MDFIC: variants seen among roughly 807,000 people sequenced by gnomAD.
MDFIC encodes the protein MyoD family inhibitor domain containing.
MDFIC carries 17 observed loss-of-function variants against 23.2 expected under a neutral mutation model. The observed-to-expected ratio is 0.73, with a 90% CI of 0.50 to 1.10. The LOEUF is 1.10. MDFIC is among the 50% of genes least tolerant of loss of function. The pLI is 0.00. For missense variants in MDFIC, 356 were observed against 316.6 expected (o/e 1.12, Z -0.95); for synonymous variants, 120 against 115.2 (o/e 1.04, Z -0.27).
chr7:114,943,233 C>T (rs1431187519), intron 3 of MDFIC, among the ~76,000 whole-genome samples: 1 of 152,102 alleles, frequency 6.6e-6, no homozygotes, highest in Non-Finnish European at 1.5e-5. Flanking sequence ...AAACTTATTT[C>T]TTTAGTTTAA....
chr7:115,016,229 T>C lies in MDFIC; in HGVS notation c.*294T>C, dbSNP rs1791792728. The C allele has an allele frequency of 3.1e-6, 1 of 325,778 alleles. No individual in the cohort carries two copies. The highest frequency in any genetic ancestry group is 5.7e-6 in the Non-Finnish European group (1 of 175,726). 20.2% of individuals were successfully genotyped at this position (325,778 alleles called of 1,614,324 possible). A position where few individuals can be genotyped will look rare whatever the true frequency, so the allele number is the denominator to read the frequency against. On this transcript the variant is annotated 3_prime_UTR_variant, in exon 5 of 5. Coordinates refer to ENST00000393486, the MANE Select transcript of MDFIC (RefSeq NM_001166345.3). Reference sequence around the variant, plus strand: ...AATGCCTTCTCCTTTTTACCGATATTTCTGTTTCTTTTAACCGTTCTCAGG... The same window carrying C: ...AATGCCTTCTCCTTTTTACCGATATCTCTGTTTCTTTTAACCGTTCTCAGG...
chr7:114,973,155 T>C (rs1793242115), intron 3 of MDFIC, among the ~76,000 whole-genome samples: 2 of 151,422 alleles, frequency 1.3e-5, no homozygotes, highest in African/African-American at 4.9e-5. Flanking sequence ...ATATTCACAG[T>C]ACATAGTTGT....
chr7:114,932,733 G>A (rs1792338600), intron 2 of MDFIC, among the ~76,000 whole-genome samples: 1 of 152,180 alleles, frequency 6.6e-6, no homozygotes, highest in East Asian at 1.9e-4. Flanking sequence ...CTACAGCAAG[G>A]GTGGGGAGGA....
intron 2 of MDFIC, among the ~76,000 whole-genome samples, chr7:114,928,306 T>A (rs1585090489): frequency 6.6e-6 from 1 of 150,950 alleles, no homozygotes. Flanking sequence ...TTAAGAACTG[T>A]GAAAAAAAAA....
chr7:114,997,395 T>C (rs1250456010), intron 4 of MDFIC, among the ~76,000 whole-genome samples: 1 of 151,570 alleles, frequency 6.6e-6, no homozygotes, highest in South Asian at 2.1e-4. Context: ...GGGGAGTGTA[T>C]GTGCATGCGT....
intron 4 of MDFIC, among the ~76,000 whole-genome samples, chr7:115,007,851 A>C (rs1585123027): frequency 1.2e-5 from 1 of 80,804 alleles, no homozygotes; most frequent in Admixed American, 1.5e-4. Flanking sequence ...ACTCGCCACC[A>C]TACTCAGCTA....
chr7:114,947,321 C>T (rs1039325616), intron 3 of MDFIC, among the ~76,000 whole-genome samples: 9 of 152,066 alleles, frequency 5.9e-5, no homozygotes, highest in African/African-American at 2.2e-4. Flanking sequence ...CCATTTGGCT[C>T]TCAGAAAAAT....
At chr7:114,945,446 C>A (rs1194355091) in intron 3 of MDFIC, among the ~76,000 whole-genome samples, 3 of 152,188 alleles carry the variant, frequency 2.0e-5, no homozygotes, top group Non-Finnish European at 2.9e-5. Flanking sequence ...TCATGCTCTA[C>A]ACAGAAGTTT....
At chr7:114,991,015 T>C (rs1450433561) in intron 4 of MDFIC, among the ~76,000 whole-genome samples, 1 of 151,760 alleles carries the variant, frequency 6.6e-6, no homozygotes, top group African/African-American at 2.4e-5. Flanking sequence ...CACCTGTTGT[T>C]TCCTGACTTT....
rs1473689379 is a variant in MDFIC, at chr7:115,019,498, A to G, written c.*3563A>G. 6.6e-6 allele frequency among the ~76,000 whole-genome samples: 1 copy of G among 152,110 alleles called. No homozygotes were observed. Among genetic ancestry groups the G allele is most frequent in the Non-Finnish European group, 1.5e-5 (1 of 67,978 alleles). On this transcript the variant is annotated 3_prime_UTR_variant, in exon 5 of 5. Transcript: ENST00000393486. ...AACGTCAAACATCACTGCCCAACAT[A>G]AATAAGACTCGAGACTTATTAACAT...
At chr7:114,930,485 C>T (rs1792288239) in intron 2 of MDFIC, among the ~76,000 whole-genome samples, 1 of 152,138 alleles carries the variant, frequency 6.6e-6, no homozygotes, top group Admixed American at 6.5e-5. Context: ...GGTCAGTTCA[C>T]ATATGAGGAT....
chr7:114,923,198 A>T, intron 2 of MDFIC, 71 bp downstream of exon 2: 1 of 1,510,194 alleles, frequency 6.6e-7, no homozygotes, highest in Non-Finnish European at 8.9e-7. Context: ...ACAAGTGCAC[A>T]GATAGGGGTG....
At chr7:114,991,013 G>C (rs1170900832) in intron 4 of MDFIC, among the ~76,000 whole-genome samples, 1 of 151,620 alleles carries the variant, frequency 6.6e-6, no homozygotes, top group Admixed American at 6.6e-5. Context: ...AGCACCTGTT[G>C]TTTCCTGACT....
chr7:115,017,518 G>T lies in MDFIC; in HGVS notation c.*1583G>T, dbSNP rs755014415. On this transcript the variant is annotated 3_prime_UTR_variant, in exon 5 of 5. Transcript: ENST00000393486. ...GGAAACCATTCTTTTCAATGCAGAA[G>T]AAATCTAGATATCCCCTACTGTGAC... 1 of 152,214 alleles carries T rather than the reference G, an allele frequency of 6.6e-6. No homozygotes were observed. Among genetic ancestry groups the T allele is most frequent in the Non-Finnish European group, 1.5e-5 (1 of 67,862 alleles). 9.4% of individuals were successfully genotyped at this position (152,214 alleles called of 1,614,324 possible).
intron 2 of MDFIC, among the ~76,000 whole-genome samples, chr7:114,936,099 A>T (rs1792419029): frequency 6.6e-6 from 1 of 152,146 alleles, no homozygotes; most frequent in Non-Finnish European, 1.5e-5. Flanking sequence ...AAGTTGAAGA[A>T]TCTGACAAAG....
chr7:114,997,465 G>T (rs1791357622), intron 4 of MDFIC, among the ~76,000 whole-genome samples: 1 of 151,562 alleles, frequency 6.6e-6, no homozygotes, highest in African/African-American at 2.4e-5. Flanking sequence ...TTAAAGAAAG[G>T]GTCACCTGGG....
At chr7:114,979,838 G>A in intron 4 of MDFIC, 57 bp downstream of exon 4, 2 of 1,549,298 alleles carry the variant, frequency 1.3e-6, no homozygotes, top group Non-Finnish European at 1.8e-6. Flanking sequence ...ATATTTCCTG[G>A]TAATTATTTG....
chr7:114,940,283 C>T (rs1792513486), intron 2 of MDFIC, among the ~76,000 whole-genome samples: 1 of 152,178 alleles, frequency 6.6e-6, no homozygotes, highest in African/African-American at 2.4e-5. Context: ...AAGTGGGTGT[C>T]TCTCTATTTT....
intron 3 of MDFIC, among the ~76,000 whole-genome samples, chr7:114,949,671 C>T (rs997294001): frequency 1.3e-5 from 2 of 152,088 alleles, no homozygotes; most frequent in African/African-American, 2.4e-5. Flanking sequence ...GTGGGTTCTG[C>T]ATTCAAAGTT....
Sources: allele counts gnomAD v4.1 joint callset (sites outside exome capture counted in the v4.1 genomes callset), GRCh38; gene constraint gnomAD v4.1.1; transcripts MANE v1.5; gene names NCBI Gene and HGNC (gene_info 2026-07-23, HGNC 2026-07-21).